Variants in FAM135B observed in about 807,000 individuals in gnomAD.
FAM135B encodes protein FAM135B.
Under a neutral mutation model 127.7 loss-of-function variants are expected in FAM135B, and 43 were observed. That is an observed-to-expected ratio of 0.34 (90% confidence interval 0.26 to 0.43). The LOEUF is 0.43. Among genes scored for constraint, FAM135B ranks in the 20% least tolerant of loss-of-function variants. The pLI, the probability that FAM135B is intolerant of heterozygous loss-of-function variation, is 1.00. For synonymous variants in FAM135B, 670 were observed against 665.1 expected (o/e 1.01, Z -0.11); for missense variants, 1,558 against 1,725.6 (o/e 0.90, Z 1.72).
chr8:138,256,593 G>A (rs1472184870), intron 5 of FAM135B, 96 bp downstream of exon 5: 6 of 990,004 alleles, frequency 6.1e-6, no homozygotes, highest in Admixed American at 5.9e-5. Context: ...TCTGAGAGAC[G>A]TTCTGAGGTT....
chr8:138,339,384 T>TATATATATATA (rs1563915402), intron 2 of FAM135B, among the ~76,000 whole-genome samples: 8 of 146,610 alleles, frequency 5.5e-5, no homozygotes, highest in East Asian at 2.1e-4. Context: ...TATATATATA[T>TATATATATATA]TTTAAAATCT....
chr8:138,329,240 C>T (rs1828006222), intron 2 of FAM135B, among the ~76,000 whole-genome samples: 1 of 152,314 alleles, frequency 6.6e-6, no homozygotes, highest in East Asian at 1.9e-4. Flanking sequence ...GAGGAACAAA[C>T]ACACTCACCA....
At chr8:138,385,717 C>G (rs1832159346) in intron 1 of FAM135B, among the ~76,000 whole-genome samples, 1 of 152,048 alleles carries the variant, frequency 6.6e-6, no homozygotes, top group Non-Finnish European at 1.5e-5. Context: ...GAGGCTGAGG[C>G]AGGAGAATTG....
chr8:138,417,765 A>G (rs895648883), intron 1 of FAM135B, among the ~76,000 whole-genome samples: 1 of 152,158 alleles, frequency 6.6e-6, no homozygotes, highest in African/African-American at 2.4e-5. Context: ...CTAAGCCCAA[A>G]CTATACCACA....
chr8:138,368,082 A>G, intron 1 of FAM135B, 80 bp from the exon 2 acceptor site: 1 of 942,652 alleles, frequency 1.1e-6, no homozygotes, highest in Non-Finnish European at 1.7e-6. Flanking sequence ...ACAGGAAACC[A>G]ATCTGACCAA....
chr8:138,161,569 T>C (rs552732325), intron 12 of FAM135B, among the ~76,000 whole-genome samples: 2 of 152,352 alleles, frequency 1.3e-5, no homozygotes, highest in South Asian at 2.1e-4. Context: ...AGAAGTTAAA[T>C]CAATGCAATC....
chr8:138,177,319 AT>A (rs1563732099), intron 11 of FAM135B, 27 bp downstream of exon 11: 1 of 1,606,064 alleles, frequency 6.2e-7, no homozygotes, highest in Admixed American at 1.7e-5. Flanking sequence ...GCTTTTAGGG[AT>A]GAAGTGGGCA....
intron 8 of FAM135B, among the ~76,000 whole-genome samples, chr8:138,197,015 A>G (rs1195981850): frequency 6.6e-6 from 1 of 152,156 alleles, no homozygotes; most frequent in Non-Finnish European, 1.5e-5. Context: ...CCAGATAACC[A>G]AATGTAATGG....
At chr8:138,238,683 C>A (rs1181607922) in intron 7 of FAM135B, among the ~76,000 whole-genome samples, 1 of 152,210 alleles carries the variant, frequency 6.6e-6, no homozygotes, top group Admixed American at 6.5e-5. Context: ...CCAGCTGATG[C>A]TACAATCTGT....
chr8:138,189,162 G>A (rs905858372), intron 9 of FAM135B, among the ~76,000 whole-genome samples: 2 of 152,162 alleles, frequency 1.3e-5, no homozygotes, highest in Non-Finnish European at 2.9e-5. Context: ...ATGGTTGCAC[G>A]CTGGAGAGAA....
intron 1 of FAM135B, chr8:138,437,700 T>G (rs978274171): frequency 1.1e-4 from 16 of 152,092 alleles, no homozygotes; most frequent in African/African-American, 3.6e-4. Flanking sequence ...TCAAACTGAG[T>G]GTCCAGGGCT....
chr8:138,451,631 C>G (rs1022252726), intron 1 of FAM135B, among the ~76,000 whole-genome samples: 8 of 152,186 alleles, frequency 5.3e-5, no homozygotes, highest in Admixed American at 5.2e-4. Flanking sequence ...ACAAGGGCAA[C>G]TAACTCCTCC....
intron 14 of FAM135B, among the ~76,000 whole-genome samples, chr8:138,146,951 T>G (rs921968363): frequency 2.6e-5 from 4 of 152,180 alleles, no homozygotes; most frequent in African/African-American, 9.7e-5. Context: ...ATATCATTCT[T>G]TATGAAACTA....
intron 1 of FAM135B, among the ~76,000 whole-genome samples, chr8:138,407,967 C>T (rs1347131287): frequency 1.3e-5 from 2 of 152,198 alleles, no homozygotes; most frequent in African/African-American, 4.8e-5. Flanking sequence ...GGTTTCAACA[C>T]TGGCCTTAAA....
intron 1 of FAM135B, among the ~76,000 whole-genome samples, chr8:138,415,548 C>A (rs761998953): frequency 2.0e-5 from 3 of 152,122 alleles, no homozygotes; most frequent in African/African-American, 7.2e-5. Flanking sequence ...CCAGACACAG[C>A]GAAGTAGCAT....
At chr8:138,382,760 T>C (rs1441842758) in intron 1 of FAM135B, among the ~76,000 whole-genome samples, 3 of 152,278 alleles carry the variant, frequency 2.0e-5, no homozygotes, top group East Asian at 3.9e-4. Flanking sequence ...ACTCAATGAA[T>C]TGCAATTTAG....
At chr8:138,168,181 T>C in intron 11 of FAM135B, 132 bp from the exon 12 acceptor site, 1 of 1,051,174 alleles carries the variant, frequency 9.5e-7, no homozygotes, top group Non-Finnish European at 1.3e-6. Flanking sequence ...ATCATCCTTT[T>C]CTTCCACCCA....
intron 7 of FAM135B, among the ~76,000 whole-genome samples, chr8:138,198,206 C>T (rs1017432771): frequency 2.0e-5 from 3 of 152,138 alleles, no homozygotes; most frequent in Non-Finnish European, 4.4e-5. Flanking sequence ...AGGGCAGTTC[C>T]CCTGCACATG....
intron 2 of FAM135B, among the ~76,000 whole-genome samples, chr8:138,336,456 C>T (rs994537547): frequency 1.3e-5 from 2 of 151,870 alleles, no homozygotes; most frequent in Non-Finnish European, 2.9e-5. Flanking sequence ...ATAAAAACTA[C>T]CATCAGAGAA....
Sources: allele counts gnomAD v4.1 joint callset (sites outside exome capture counted in the v4.1 genomes callset), GRCh38; gene constraint gnomAD v4.1.1; transcripts MANE v1.5; gene names NCBI Gene and HGNC (gene_info 2026-07-23, HGNC 2026-07-21).